RNF180: variants seen among roughly 807,000 people sequenced by gnomAD.
RNF180 encodes the protein E3 ubiquitin-protein ligase RNF180.
In RNF180, 38 loss-of-function variants were observed where a neutral mutation model predicts 59.2. The ratio of observed to expected loss-of-function variants is 0.64; its 90% CI spans 0.50 to 0.84. The LOEUF (loss-of-function observed/expected upper bound fraction) is 0.84. Ranked by LOEUF, RNF180 falls within the 40% of genes least tolerant of loss-of-function variation. The pLI, the probability that RNF180 is intolerant of heterozygous loss-of-function variation, is 0.00. For synonymous variants in RNF180, 262 were observed against 240.3 expected, an observed-to-expected ratio of 1.09 and a Z score of -0.84; for missense variants, 705 against 700.9, an observed-to-expected ratio of 1.01 and a Z score of -0.07.
rs183196042 is a variant in RNF180 at position 64,349,283 on chromosome 5, C to T, written c.1579+18877C>T. 3.6e-4 allele frequency among the ~76,000 whole-genome samples: 55 copies of T among 151,986 alleles called. 1 individual carries two copies. In the East Asian group the frequency reaches 8.3e-3, roughly 23 times the overall value. ...TGAGGGTTGCTTATTCTTTTAATGC[C>T]AAAGAAAGGATTTTGTTGTTGTTGT... On this transcript the variant is annotated intron_variant, in intron 7 of 7. Transcript: ENST00000389100.
chr5:64,252,014 A>G (rs1743611717), intron 5 of RNF180, among the ~76,000 whole-genome samples: 1 of 152,188 alleles, frequency 6.6e-6, no homozygotes, highest in Admixed American at 6.5e-5. Context: ...AGAGTGTTCT[A>G]TAGATTTCAC....
At chr5:64,262,436 C>G (rs925196433) in intron 5 of RNF180, among the ~76,000 whole-genome samples, 1 of 152,080 alleles carries the variant, frequency 6.6e-6, no homozygotes, top group South Asian at 2.1e-4. Flanking sequence ...AATCGGACAG[C>G]CTTAGCACCA....
intron 1 of RNF180, among the ~76,000 whole-genome samples, chr5:64,198,356 G>A (rs1280698128): frequency 2.0e-5 from 3 of 152,124 alleles, no homozygotes; most frequent in Non-Finnish European, 4.4e-5. Context: ...GAGATTCATA[G>A]AGAGATGTGC....
chr5:64,369,511 C>T (rs1374097811), intron 7 of RNF180, 104 bp from the exon 8 acceptor site: 4 of 613,316 alleles, frequency 6.5e-6, no homozygotes, highest in Non-Finnish European at 7.8e-6. Flanking sequence ...TAACTCCGCT[C>T]AGTGAAATCA....
At chr5:64,182,139 C>T (rs1048229553) in intron 1 of RNF180, among the ~76,000 whole-genome samples, 17 of 151,828 alleles carry the variant, frequency 1.1e-4, no homozygotes, top group African/African-American at 3.9e-4. Flanking sequence ...TACAGGCGCC[C>T]ACCACCACGC....
intron 2 of RNF180, among the ~76,000 whole-genome samples, chr5:64,209,400 A>C (rs918009092): frequency 2.6e-5 from 4 of 151,966 alleles, no homozygotes; most frequent in African/African-American, 9.7e-5. Context: ...GAAATAATGA[A>C]ATGTACATAG....
chr5:64,360,458 A>G (rs900989184), intron 7 of RNF180, among the ~76,000 whole-genome samples: 44 of 151,878 alleles, frequency 2.9e-4, no homozygotes, highest in Non-Finnish European at 4.9e-4. Context: ...ATCATACTGA[A>G]TGGGCAAAAA....
intron 5 of RNF180, among the ~76,000 whole-genome samples, chr5:64,219,907 A>G (rs1232192591): frequency 1.3e-5 from 2 of 152,204 alleles, no homozygotes; most frequent in African/African-American, 2.4e-5. Flanking sequence ...GCATTTAACT[A>G]TGAATGCAAT....
intron 5 of RNF180, among the ~76,000 whole-genome samples, chr5:64,300,720 T>A (rs1339482041): frequency 6.6e-6 from 1 of 151,770 alleles, no homozygotes; most frequent in Non-Finnish European, 1.5e-5. Context: ...CTCCCACTTC[T>A]TCCTACTCTC....
At chr5:64,349,527 C>CT (rs1240999408) in intron 7 of RNF180, among the ~76,000 whole-genome samples, 2 of 151,586 alleles carry the variant, frequency 1.3e-5, no homozygotes, top group African/African-American at 4.9e-5. Context: ...GTGTGCTGCA[C>CT]CCATTAACTC....
chr5:64,216,109 G>A (rs895222302), intron 4 of RNF180, among the ~76,000 whole-genome samples: 1 of 151,926 alleles, frequency 6.6e-6, no homozygotes, highest in African/African-American at 2.4e-5. Flanking sequence ...GAGTGACATG[G>A]CAGGATCCTA....
chr5:64,362,057 ATTAAAC>A lies in RNF180; in HGVS notation c.1580-7552_1580-7547del, dbSNP rs540718895. On this transcript the variant is annotated intron_variant, in intron 7 of 7. Coordinates refer to ENST00000389100, the MANE Select transcript of RNF180 (RefSeq NM_001113561.2). Reference sequence around the variant, plus strand: ...AATTAATTTAATAAATTTATTTTTAATTAAACTTAAATTTAATTTATTGATTAAAAT... The same window carrying A: ...AATTAATTTAATAAATTTATTTTTAATTAAATTTAATTTATTGATTAAAAT... Among the ~76,000 whole-genome samples, 738 of 151,568 alleles carry A rather than the reference ATTAAAC, an allele frequency of 4.9e-3. 4 individuals carry two copies. The highest frequency in any genetic ancestry group is 0.017 in the African/African-American group (715 of 41,474).
chr5:64,196,191 T>G (rs1579977574), intron 1 of RNF180, among the ~76,000 whole-genome samples: 1 of 55,876 alleles, frequency 1.8e-5, no homozygotes, highest in African/African-American at 8.9e-5. Context: ...AGGCACTTAG[T>G]TTTTTTTTTT....
At chr5:64,171,148 C>G (rs1196824039) in intron 1 of RNF180, among the ~76,000 whole-genome samples, 1 of 152,116 alleles carries the variant, frequency 6.6e-6, no homozygotes, top group African/African-American at 2.4e-5. Context: ...GAATTTTAGG[C>G]CAAAGAAGGC....
chr5:64,301,729 T>C (rs1743171616), intron 5 of RNF180, among the ~76,000 whole-genome samples: 1 of 138,928 alleles, frequency 7.2e-6, no homozygotes, highest in South Asian at 2.1e-4. Context: ...GTGTGTATAG[T>C]TTTCAGTCTG....
At chr5:64,263,794 C>T (rs1360466230) in intron 5 of RNF180, among the ~76,000 whole-genome samples, 5 of 151,974 alleles carry the variant, frequency 3.3e-5, no homozygotes, top group South Asian at 4.1e-4. Context: ...TTTTTTATTT[C>T]GTTTTAGTTA....
intron 1 of RNF180, among the ~76,000 whole-genome samples, chr5:64,180,073 C>CAAAAA: frequency 6.6e-6 from 1 of 152,134 alleles, no homozygotes; most frequent in Non-Finnish European, 1.5e-5. Context: ...CATTTTTCTG[C>CAAAAA]TGGATAATTT....
At chr5:64,338,748 T>C (rs1745235102) in intron 7 of RNF180, among the ~76,000 whole-genome samples, 1 of 152,214 alleles carries the variant, frequency 6.6e-6, no homozygotes, top group South Asian at 2.1e-4. Flanking sequence ...CATCTGTTCC[T>C]AATTTCTAAT....
chr5:64,182,447 G>C (rs1024871926), intron 1 of RNF180, among the ~76,000 whole-genome samples: 1 of 152,170 alleles, frequency 6.6e-6, no homozygotes, highest in African/African-American at 2.4e-5. Flanking sequence ...AAACATTAGT[G>C]TCTGGAAACA....
Sources: gnomAD v4.1 joint callset for allele counts (sites outside exome capture counted in the v4.1 genomes callset) on GRCh38, gnomAD v4.1.1 for gene constraint, MANE v1.5 for transcripts, NCBI Gene and HGNC (gene_info 2026-07-23, HGNC 2026-07-21) for gene names.